The following TEAD1 variants were observed in gnomAD, a reference collection of about 807,000 sequenced individuals.
TEAD1 encodes the protein transcriptional enhancer factor TEF-1.
Under a neutral mutation model 54.9 loss-of-function variants are expected in TEAD1, and 9 were observed. The ratio of observed to expected loss-of-function variants is 0.16; its 90% CI spans 0.10 to 0.29. TEAD1 has a LOEUF of 0.29. Among genes scored for constraint, TEAD1 ranks in the 10% least tolerant of loss-of-function variants. The pLI, the probability that TEAD1 is intolerant of heterozygous loss-of-function variation, is 1.00. For missense variants in TEAD1, 387 were observed against 535.9 expected (o/e 0.72, Z 2.74); for synonymous variants, 200 against 187.8 (o/e 1.07, Z -0.53).
intron 2 of TEAD1, among the ~76,000 whole-genome samples, chr11:12,753,610 T>A (rs1404819065): frequency 1.3e-5 from 2 of 152,196 alleles, no homozygotes; most frequent in African/African-American, 2.4e-5. Context: ...GTTGTCTGAT[T>A]TCTTATTGTT....
At chr11:12,795,463 G>T (rs1945895976) in intron 3 of TEAD1, among the ~76,000 whole-genome samples, 1 of 152,182 alleles carries the variant, frequency 6.6e-6, no homozygotes, top group African/African-American at 2.4e-5. Context: ...CATGGGTGCA[G>T]GTTTAAAGAG....
intron 3 of TEAD1, among the ~76,000 whole-genome samples, chr11:12,767,962 T>C (rs1011330166): frequency 6.6e-6 from 1 of 152,204 alleles, no homozygotes; most frequent in Admixed American, 6.5e-5. Flanking sequence ...AACAAACTTA[T>C]CCAGAATTGG....
chr11:12,843,239 G>A lies in TEAD1; in HGVS notation c.203-19011G>A, dbSNP rs929936228. 5.3e-5 allele frequency among the ~76,000 whole-genome samples: 8 copies of A among 152,166 alleles called. No individual in the cohort carries two copies. In the South Asian group the frequency reaches 1.7e-3, roughly 32 times the overall value. On this transcript the variant is annotated intron_variant, in intron 3 of 12. Transcript: ENST00000527636. ...TGTGTTCACAAGGAGTCCGAGCCCA[G>A]CTCTAAGGGTAGGTAATGTTGTCAG...
intron 3 of TEAD1, among the ~76,000 whole-genome samples, chr11:12,779,309 A>G (rs1945497279): frequency 6.6e-6 from 1 of 152,190 alleles, no homozygotes; most frequent in Non-Finnish European, 1.5e-5. Flanking sequence ...TCCAGGATAC[A>G]AAATCTGGTT....
At chr11:12,747,455 C>G in intron 2 of TEAD1, among the ~76,000 whole-genome samples, 1 of 152,188 alleles carries the variant, frequency 6.6e-6, no homozygotes, top group South Asian at 2.1e-4. Context: ...CTGCCTCAGC[C>G]TCCTGAGTAG....
intron 2 of TEAD1, among the ~76,000 whole-genome samples, chr11:12,723,224 AT>A (rs1944248689): frequency 6.6e-6 from 1 of 152,210 alleles, no homozygotes; most frequent in African/African-American, 2.4e-5. Context: ...AGATAGTATA[AT>A]TTTTACAAAA....
chr11:12,813,606 G>C (rs1029159847), intron 3 of TEAD1, among the ~76,000 whole-genome samples: 1 of 152,198 alleles, frequency 6.6e-6, no homozygotes, highest in Non-Finnish European at 1.5e-5. Flanking sequence ...GCTTCTCTTT[G>C]AGATAAGAGC....
intron 3 of TEAD1, among the ~76,000 whole-genome samples, chr11:12,767,607 A>T (rs1945231103): frequency 6.6e-6 from 1 of 152,126 alleles, no homozygotes; most frequent in South Asian, 2.1e-4. Flanking sequence ...CAACTCTATG[A>T]TGAGGTTTTT....
intron 3 of TEAD1, among the ~76,000 whole-genome samples, chr11:12,847,690 T>G (rs942754174): frequency 2.6e-5 from 4 of 152,212 alleles, no homozygotes; most frequent in African/African-American, 9.6e-5. Flanking sequence ...ATTTATTTTA[T>G]TTTATTTTAG....
chr11:12,792,293 G>T (rs575647012), intron 3 of TEAD1, among the ~76,000 whole-genome samples: 1 of 151,572 alleles, frequency 6.6e-6, no homozygotes, highest in Non-Finnish European at 1.5e-5. Context: ...TCAAATGCTT[G>T]GGGGTGAGAA....
At chr11:12,859,851 G>C (rs4757957) in intron 3 of TEAD1, among the ~76,000 whole-genome samples, 92,010 of 152,040 alleles carry the variant, frequency 0.61, 29,745 homozygotes, top group East Asian at 0.77. Flanking sequence ...AGACGAGCCC[G>C]TATGAAAAAG....
At chr11:12,737,649 C>G (rs565139009) in intron 2 of TEAD1, among the ~76,000 whole-genome samples, 1 of 152,152 alleles carries the variant, frequency 6.6e-6, no homozygotes, top group Non-Finnish European at 1.5e-5. Context: ...TCTGGATGTG[C>G]CTAGCTTATG....
At chr11:12,764,081 GA>G (rs1449669350) in intron 2 of TEAD1, 97 bp from the exon 3 acceptor site, 2 of 755,954 alleles carry the variant, frequency 2.6e-6, no homozygotes, top group Non-Finnish European at 4.2e-6. Context: ...AAAATGAAAT[GA>G]AAAAAGCTGG....
At position 12,681,012 on chromosome 11, in the gene TEAD1, G is replaced by A. The variant is rs990655369; in HGVS notation, c.-55+5451G>A. Among the ~76,000 whole-genome samples the A allele has an allele frequency of 7.9e-5, 12 of 152,098 alleles. 1 individual carries two copies. Among genetic ancestry groups the A allele is most frequent in the Non-Finnish European group, 1.5e-4 (10 of 68,022 alleles). On this transcript the variant is annotated intron_variant, in intron 2 of 12. Transcript: ENST00000527636. ...GGCTAACTGATTCTGAAACCATTGT[G>A]AGCCGATGCTTCCTTTGGTGGAATC...
intron 5 of TEAD1, among the ~76,000 whole-genome samples, chr11:12,870,717 C>G (rs1947729620): frequency 6.6e-6 from 1 of 152,114 alleles, no homozygotes. Flanking sequence ...GAAACCCCGT[C>G]TCTACTAAAA....
At chr11:12,797,480 C>A (rs1486974159) in intron 3 of TEAD1, among the ~76,000 whole-genome samples, 1 of 152,034 alleles carries the variant, frequency 6.6e-6, no homozygotes, top group East Asian at 1.9e-4. Flanking sequence ...CTTTTGTACC[C>A]CCTGGTGTGC....
intron 10 of TEAD1, among the ~76,000 whole-genome samples, chr11:12,911,541 G>A (rs994794730): frequency 2.6e-5 from 4 of 152,240 alleles, no homozygotes; most frequent in Admixed American, 1.3e-4. Flanking sequence ...CTCAAAATGC[G>A]TTTTAAAGTT....
Position 12,929,190 on chromosome 11 carries a change from GTGTGTGTGTGTCTGC to G in TEAD1, c.1015-982_1015-968del, listed in dbSNP as rs1249230146. Among the ~76,000 whole-genome samples the G allele has an allele frequency of 5.9e-5, 5 of 85,238 alleles. 1 individual carries two copies. The highest frequency in any genetic ancestry group is 1.0e-3 in the South Asian group (2 of 1,934). The allele number at this position is 85,238 out of a possible 152,430, so 55.9% of individuals were successfully genotyped here. A position where few individuals can be genotyped will look rare whatever the true frequency, so the allele number is the denominator to read the frequency against. On this transcript the variant is annotated intron_variant, in intron 11 of 12. Transcript: ENST00000527636. Reference sequence around the variant, plus strand: ...TGTGTGTGTGTGTGTGTGTGTGTGTGTGTGTGTGTGTCTGCTTTAGGGTTATGTGAAATAATCTCT... The same window carrying G: ...TGTGTGTGTGTGTGTGTGTGTGTGTGTTTAGGGTTATGTGAAATAATCTCT...
chr11:12,775,942 GGTCCACTGT>G (rs1375398725), intron 3 of TEAD1, among the ~76,000 whole-genome samples: 1 of 151,956 alleles, frequency 6.6e-6, no homozygotes, highest in Non-Finnish European at 1.5e-5. Flanking sequence ...ATATTGCCTG[GGTCCACTGT>G]GGTGTGGTGT....
Sources: allele counts gnomAD v4.1 joint callset (sites outside exome capture counted in the v4.1 genomes callset), GRCh38; gene constraint gnomAD v4.1.1; transcripts MANE v1.5; gene names NCBI Gene and HGNC (gene_info 2026-07-23, HGNC 2026-07-21).